RXRA: variants seen among roughly 807,000 people sequenced by gnomAD.
RXRA encodes retinoid X receptor alpha, also known as retinoic acid receptor RXR-alpha.
Under a neutral mutation model 44.5 loss-of-function variants are expected in RXRA, and 5 were observed. That is an observed-to-expected ratio of 0.11 (90% CI 0.06 to 0.24). The LOEUF is 0.24. Among genes scored for constraint, RXRA ranks in the 10% least tolerant of loss-of-function variants. The pLI is 1.00. For missense variants in RXRA, 412 were observed against 646.5 expected (o/e 0.64, Z 3.93); for synonymous variants, 291 against 271.4 (o/e 1.07, Z -0.71).
rs527667962 is a variant in RXRA, at chr9:134,416,660, G to A, written c.611-498G>A. On this transcript the variant is annotated intron_variant, in intron 4 of 9. Coordinates refer to ENST00000481739, the MANE Select transcript of RXRA (RefSeq NM_002957.6). Reference sequence around the variant, plus strand: ...GCCTGTCCCTCCCCCGCCCCCCGCCGCAGGTTCCCCTTGCCCAGGCCCTCA... The same window carrying A: ...GCCTGTCCCTCCCCCGCCCCCCGCCACAGGTTCCCCTTGCCCAGGCCCTCA... Among the ~76,000 whole-genome samples the A allele has an allele frequency of 2.9e-3, 421 of 147,242 alleles. 2 individuals carry two copies. The highest frequency in any genetic ancestry group is 5.3e-3 in the Non-Finnish European group (352 of 66,760).
intron 1 of RXRA, among the ~76,000 whole-genome samples, chr9:134,353,916 C>A (rs1554749782): frequency 1.3e-5 from 2 of 152,168 alleles, no homozygotes; most frequent in African/African-American, 4.8e-5. Context: ...GGAACGTGTC[C>A]CCAAGGCTGG....
At chr9:134,394,513 C>A (rs1830849423) in intron 1 of RXRA, among the ~76,000 whole-genome samples, 1 of 152,130 alleles carries the variant, frequency 6.6e-6, no homozygotes, top group Non-Finnish European at 1.5e-5. Context: ...GTGTGGGTCA[C>A]TCTTCCTCAT....
intron 1 of RXRA, among the ~76,000 whole-genome samples, chr9:134,383,399 C>T (rs1830674339): frequency 6.6e-6 from 1 of 152,164 alleles, no homozygotes; most frequent in Non-Finnish European, 1.5e-5. Flanking sequence ...TGTGCTGGCT[C>T]TGTGAGGGGC....
Position 134,436,487 on chromosome 9 carries a change from G to T in RXRA, c.1262G>T (p.Arg421Leu). 1 of 1,614,058 alleles carries T rather than the reference G, an allele frequency of 6.2e-7. No individual in the cohort carries two copies. The highest frequency in any genetic ancestry group is 8.5e-7 in the Non-Finnish European group (1 of 1,180,028). ...TGCAGGTTCGCTAAGCTCTTGCTCC[G>T]CCTGCCGGCTCTGCGCTCCATCGGG... ...QPGRFAKLLLRLPALRSIGLK... is the reference protein window; with the variant it reads ...QPGRFAKLLLLLPALRSIGLK... Residue 421 changes from arginine to leucine, a missense_variant, in exon 10 of 10, where the codon CGC (arginine) becomes CTC (leucine). Physicochemically the swap from Arg to Leu is moderately radical, Grantham distance 102 (BLOSUM62 -2). Coordinates refer to ENST00000481739, the MANE Select transcript of RXRA (RefSeq NM_002957.6).
chr9:134,365,006 A>T lies in RXRA; in HGVS notation c.29-36626A>T, dbSNP rs1470769924. Among the ~76,000 whole-genome samples, 1 of 152,078 alleles carries T rather than the reference A, an allele frequency of 6.6e-6. No individual in the cohort carries two copies. Among genetic ancestry groups the T allele is most frequent in the East Asian group, 1.9e-4 (1 of 5,184 alleles). ...ACTTATGAGGAGGCTGATGCTAGAG[A>T]GGGGTGTGCCCTGTCCCGGTTGCCC... On this transcript the variant is annotated intron_variant, in intron 1 of 9. Coordinates refer to ENST00000481739, the MANE Select transcript of RXRA (RefSeq NM_002957.6). This position sits in a 1 kb window ranked among gnomAD's most constrained non-coding sequence, Gnocchi z 4.0.
intron 1 of RXRA, among the ~76,000 whole-genome samples, chr9:134,357,367 G>T (rs545516251): frequency 1.1e-4 from 16 of 152,338 alleles, no homozygotes; most frequent in Non-Finnish European, 1.9e-4. Context: ...CAGGGCCAGG[G>T]GCAGGGGATT....
In RXRA at chr9:134,412,994, T is replaced by A. The variant is rs187900492; in HGVS notation, c.610+3875T>A. ...AGGGTCTGGCGTGTGTGCACCTATG[T>A]GTGCACGTGTGTGCATGTGCGTGCA... is the stretch of plus-strand genomic sequence containing the variant. On this transcript the variant is annotated intron_variant, in intron 4 of 9. Coordinates refer to ENST00000481739, the MANE Select transcript of RXRA (RefSeq NM_002957.6). 2.0e-5 allele frequency among the ~76,000 whole-genome samples: 3 copies of A among 152,312 alleles called. No homozygotes were observed. In the East Asian group the frequency reaches 5.8e-4, roughly 29 times the overall value.
intron 1 of RXRA, among the ~76,000 whole-genome samples, chr9:134,375,892 C>T (rs1830549552): frequency 6.6e-6 from 1 of 151,928 alleles, no homozygotes; most frequent in Admixed American, 6.6e-5. Context: ...TGCCCTGCGA[C>T]TCGATGGCAG....
chr9:134,351,636 T>C (rs566224815), intron 1 of RXRA, among the ~76,000 whole-genome samples: 17 of 152,248 alleles, frequency 1.1e-4, no homozygotes, highest in Non-Finnish European at 2.1e-4. Context: ...TTCAGGCCGG[T>C]TTGAGTATTT....
At chr9:134,416,474 G>A (rs1235189144) in intron 4 of RXRA, among the ~76,000 whole-genome samples, 1 of 152,194 alleles carries the variant, frequency 6.6e-6, no homozygotes, top group Admixed American at 6.5e-5. Context: ...AGGCATCTCG[G>A]TGCCCTGCAT....
At chr9:134,384,507 G>T (rs978921507) in intron 1 of RXRA, among the ~76,000 whole-genome samples, 1 of 152,216 alleles carries the variant, frequency 6.6e-6, no homozygotes, top group African/African-American at 2.4e-5. Flanking sequence ...AGTGGGTTCT[G>T]CAGAGCATGG....
At chr9:134,435,462 G>A (rs560526363) in intron 9 of RXRA, among the ~76,000 whole-genome samples, 18 of 141,560 alleles carry the variant, frequency 1.3e-4, no homozygotes, top group African/African-American at 4.4e-4. Context: ...ACCAACCCGT[G>A]CTCCCTCCCT....
chr9:134,339,490 C>T (rs572800104), intron 1 of RXRA, among the ~76,000 whole-genome samples: 9 of 143,420 alleles, frequency 6.3e-5, no homozygotes, highest in East Asian at 2.1e-4. Flanking sequence ...TGCATGCCCA[C>T]GCCCTTGTGT....
chr9:134,421,646 G>A, intron 5 of RXRA, 30 bp from the exon 6 acceptor site: 3 of 1,548,268 alleles, frequency 1.9e-6, no homozygotes. Context: ...TTCTGGGACT[G>A]AATGTCCTGC....
At position 134,431,865 on chromosome 9, in the gene RXRA, G is replaced by A. The variant is rs1805350; in HGVS notation, c.1044-40G>A. 626 of 1,514,334 alleles carry A rather than the reference G, an allele frequency of 4.1e-4. 7 individuals are homozygous for A. The African/African-American group carries it at 7.4e-3, about 18-fold the overall frequency. The allele number at this position is 1,514,334 out of a possible 1,614,324, so 93.8% of individuals were successfully genotyped here. ...GGGGTGTGGCCCTGGTGAGGGCTGCGACCTAACTGGGATGGGGTGTCTGCC... is the reference window on the plus strand; with the variant it reads ...GGGGTGTGGCCCTGGTGAGGGCTGCAACCTAACTGGGATGGGGTGTCTGCC... On this transcript the variant is annotated intron_variant, in intron 7 of 9. Coordinates refer to ENST00000481739, the MANE Select transcript of RXRA (RefSeq NM_002957.6).
At chr9:134,376,931 C>G (rs34863049) in intron 1 of RXRA, among the ~76,000 whole-genome samples, 113,089 of 152,166 alleles carry the variant, frequency 0.74, 42,204 homozygotes, top group East Asian at 0.81. Flanking sequence ...CGGGCAGTCG[C>G]TGGGCTGACC....
At position 134,366,427 on chromosome 9, in the gene RXRA, C is replaced by T. The variant is rs1288233800; in HGVS notation, c.29-35205C>T. Among the ~76,000 whole-genome samples, 2 of 152,210 alleles carry T rather than the reference C, an allele frequency of 1.3e-5. No individual in the cohort carries two copies. Among genetic ancestry groups the T allele is most frequent in the Non-Finnish European group, 2.9e-5 (2 of 68,028 alleles). On this transcript the variant is annotated intron_variant, in intron 1 of 9. Transcript: ENST00000481739. This position sits in a 1 kb window ranked among gnomAD's most constrained non-coding sequence, Gnocchi z 5.9. Reference sequence around the variant, plus strand: ...AGGGCGGGGCTGCTCCAGTCTCTTACACCAGCGCATCTGCAACTCATTACA... The same window carrying T: ...AGGGCGGGGCTGCTCCAGTCTCTTATACCAGCGCATCTGCAACTCATTACA...
chr9:134,377,529 G>T (rs572196703), intron 1 of RXRA, among the ~76,000 whole-genome samples: 31 of 152,210 alleles, frequency 2.0e-4, no homozygotes, highest in South Asian at 6.2e-4. Context: ...TGAAGTCTCC[G>T]TGTGTGTGTG....
intron 6 of RXRA, chr9:134,422,434 C>T (rs1208911523): frequency 4.3e-5 from 55 of 1,273,472 alleles, no homozygotes; most frequent in Non-Finnish European, 5.3e-5. Context: ...GGACGCTCCC[C>T]TCTCCCTAGA....
Sources: gnomAD v4.1 joint callset for allele counts (sites outside exome capture counted in the v4.1 genomes callset) on GRCh38, gnomAD v4.1.1 for gene constraint, Gnocchi (gnomAD v3.1) non-coding constraint, MANE v1.5 for transcripts, NCBI Gene and HGNC (gene_info 2026-07-23, HGNC 2026-07-21) for gene names.